CDH22: variants seen among roughly 807,000 people sequenced by gnomAD.
CDH22 encodes the protein cadherin 22, also known as cadherin-22.
Under a neutral mutation model 58.4 loss-of-function variants are expected in CDH22, and 30 were observed. The observed-to-expected ratio is 0.51, with a 90% CI of 0.38 to 0.70. The LOEUF (loss-of-function observed/expected upper bound fraction) is 0.70. Among genes scored for constraint, CDH22 ranks in the 30% least tolerant of loss-of-function variants. The pLI, the probability that CDH22 is intolerant of heterozygous loss-of-function variation, is 0.00. For missense variants in CDH22, 1,014 were observed against 1,233.9 expected, an observed-to-expected ratio of 0.82 and a Z score of 2.67; for synonymous variants, 513 against 558.2, an observed-to-expected ratio of 0.92 and a Z score of 1.14.
chr20:46,185,338 G>T (rs1394924909), intron 10 of CDH22, among the ~76,000 whole-genome samples: 1 of 152,078 alleles, frequency 6.6e-6, no homozygotes. Context: ...AGCCAGAGGG[G>T]AGGAATCTCA....
chr20:46,256,647 G>C (rs1240501627), intron 1 of CDH22, among the ~76,000 whole-genome samples: 1 of 152,150 alleles, frequency 6.6e-6, no homozygotes, highest in African/African-American at 2.4e-5. Context: ...TTCTGTGAGT[G>C]AGATGAGACC....
rs530519238 is a variant in CDH22 at position 46,282,267 on chromosome 20, A to G, written c.-400+25988T>C. On this transcript the variant is annotated intron_variant, in intron 1 of 11. Coordinates refer to ENST00000537909, the MANE Select transcript of CDH22 (RefSeq NM_021248.3). ...GTGCCCAGGATACCCTGAGTTTGGCAGGTTAGATTCCACAGTAGATTTGCC... is the reference window on the plus strand; with the variant it reads ...GTGCCCAGGATACCCTGAGTTTGGCGGGTTAGATTCCACAGTAGATTTGCC... Among the ~76,000 whole-genome samples, 3 of 152,338 alleles carry G rather than the reference A, an allele frequency of 2.0e-5. No individual in the cohort carries two copies. In the South Asian group the frequency reaches 6.2e-4, roughly 32 times the overall value.
At position 46,181,791 on chromosome 20, in the gene CDH22, CTTTT is replaced by C. The variant is rs796279300; in HGVS notation, c.1664-3598_1664-3595del. Among the ~76,000 whole-genome samples, 98 of 126,498 alleles carry C rather than the reference CTTTT, an allele frequency of 7.7e-4. 2 individuals are homozygous for C. The highest frequency in any genetic ancestry group is 1.5e-3 in the South Asian group (6 of 3,906). 83.0% of individuals were successfully genotyped at this position (126,498 alleles called of 152,430 possible). ...TCTTTCTTTCTTTCTTTCTTTCTTT[CTTTT>C]CTCTCTCTTTCTCTTTCCTTTCTTT... On this transcript the variant is annotated intron_variant, in intron 10 of 11. Transcript: ENST00000537909.
intron 1 of CDH22, among the ~76,000 whole-genome samples, chr20:46,283,718 C>G (rs1053697799): frequency 6.6e-6 from 1 of 152,014 alleles, no homozygotes; most frequent in Non-Finnish European, 1.5e-5. Context: ...CTCCCCACCC[C>G]CACCGCCATC....
chr20:46,192,796 C>T (rs1036941314), intron 8 of CDH22, among the ~76,000 whole-genome samples: 13 of 152,042 alleles, frequency 8.6e-5, no homozygotes, highest in South Asian at 2.1e-4. Context: ...ATTACAAGCC[C>T]GCCAAGACAA....
rs575918737 is a variant in CDH22 at position 46,199,355 on chromosome 20, C to T, written c.1423+68G>A. 1,698 of 1,550,208 alleles carry T rather than the reference C, an allele frequency of 1.1e-3. 13 individuals carry two copies. The highest frequency in any genetic ancestry group is 0.011 in the Middle Eastern group (52 of 4,842). ...CCTTGGCCCTGCCCCCAGCCCTTGG[C>T]CCCTCCCTTCAGCTTTTGCTCCTGG... On this transcript the variant is annotated intron_variant, in intron 8 of 11. Coordinates refer to ENST00000537909, the MANE Select transcript of CDH22 (RefSeq NM_021248.3).
chr20:46,212,909 G>T, intron 6 of CDH22, 86 bp downstream of exon 6: 1 of 1,068,868 alleles, frequency 9.4e-7, no homozygotes, highest in Non-Finnish European at 1.4e-6. Context: ...AGTGGAGTGA[G>T]GTGGGGGTAT....
chr20:46,274,351 T>A (rs2086507162), intron 1 of CDH22, among the ~76,000 whole-genome samples: 2 of 152,194 alleles, frequency 1.3e-5, no homozygotes, highest in Non-Finnish European at 2.9e-5. Context: ...GGTGCCAACC[T>A]GGACACCACG....
rs146085756 is a variant in CDH22, at chr20:46,248,338, T to C, written c.255+2702A>G. ...GAGGCTTTTGCAGAGCCCCAGCTGC[T>C]GGGCAGACAGCAAGGCTGAAGTGCC... On this transcript the variant is annotated intron_variant, in intron 2 of 11. Coordinates refer to ENST00000537909, the MANE Select transcript of CDH22 (RefSeq NM_021248.3). Among the ~76,000 whole-genome samples, 1,140 of 152,308 alleles carry C rather than the reference T, an allele frequency of 7.5e-3. 18 individuals are homozygous for C. Among genetic ancestry groups the C allele is most frequent in the Admixed American group, 0.026 (401 of 15,288 alleles).
In CDH22 at chr20:46,257,948, T is replaced by C. The variant is rs543089077; in HGVS notation, c.-399-6255A>G. The stretch of plus-strand genomic sequence containing the variant: ...TGGGAGCCAACAGAAGAAAGTGCTG[T>C]AGGGAGGGAGTGGTGAACTGTGCCG... On this transcript the variant is annotated intron_variant, in intron 1 of 11. Coordinates refer to ENST00000537909, the MANE Select transcript of CDH22 (RefSeq NM_021248.3). Among the ~76,000 whole-genome samples, 23 of 152,118 alleles carry C rather than the reference T, an allele frequency of 1.5e-4. No individual in the cohort carries two copies. The South Asian group carries it at 3.7e-3, about 25-fold the overall frequency.
At chr20:46,191,578 C>T (rs1406511587) in intron 8 of CDH22, among the ~76,000 whole-genome samples, 2 of 152,146 alleles carry the variant, frequency 1.3e-5, no homozygotes, top group African/African-American at 4.8e-5. Flanking sequence ...TGCCCCATTT[C>T]GTCCTGTCAA....
At chr20:46,231,335 G>A (rs373232625) in intron 3 of CDH22, among the ~76,000 whole-genome samples, 11 of 152,320 alleles carry the variant, frequency 7.2e-5, no homozygotes, top group Non-Finnish European at 1.3e-4. Context: ...TTGGCAGCAC[G>A]TTAGAATCTC....
At chr20:46,193,518 C>T (rs953532026) in intron 8 of CDH22, among the ~76,000 whole-genome samples, 7 of 152,122 alleles carry the variant, frequency 4.6e-5, no homozygotes, top group Non-Finnish European at 2.9e-5. Flanking sequence ...CACTGGGGAC[C>T]AAACATCTGA....
At chr20:46,177,421 C>T (rs2085748977) in intron 11 of CDH22, among the ~76,000 whole-genome samples, 1 of 152,144 alleles carries the variant, frequency 6.6e-6, no homozygotes, top group Non-Finnish European at 1.5e-5. Context: ...CCACCAATGA[C>T]TTGAGATTTT....
Position 46,250,584 on chromosome 20 carries a change from C to G in CDH22, c.255+456G>C, listed in dbSNP as rs138204840. Among the ~76,000 whole-genome samples, 63 of 152,210 alleles carry G rather than the reference C, an allele frequency of 4.1e-4. No homozygotes were observed. The East Asian group carries it at 0.012, about 28-fold the overall frequency. ...GGGACGTTGACTTTCAGAAGAGCAA[C>G]GGAAGGGCAGTGAGGCTGAAACTCA... is the stretch of plus-strand genomic sequence containing the variant. On this transcript the variant is annotated intron_variant, in intron 2 of 11. Transcript: ENST00000537909.
chr20:46,223,713 CTTTT>C (rs11469863), intron 4 of CDH22, among the ~76,000 whole-genome samples: 1,209 of 54,488 alleles, frequency 0.022, 9 homozygotes, highest in African/African-American at 0.041. Flanking sequence ...TTCTTTCTTT[CTTTT>C]TCTTTCTTTC....
At position 46,243,930 on chromosome 20, in the gene CDH22, T is replaced by A. The variant is rs1440825617; in HGVS notation, c.256-2673A>T. Among the ~76,000 whole-genome samples the A allele has an allele frequency of 2.6e-5, 4 of 152,206 alleles. No individual in the cohort carries two copies. The East Asian group carries it at 7.7e-4, about 29-fold the overall frequency. The stretch of plus-strand genomic sequence containing the variant: ...GAAGTCATGTGCTGTGTCACATGGC[T>A]AAGTGTGGAAAGCACGCTTCTGACT... On this transcript the variant is annotated intron_variant, in intron 2 of 11. Coordinates refer to ENST00000537909, the MANE Select transcript of CDH22 (RefSeq NM_021248.3).
chr20:46,187,555 A>G (rs937127709), intron 8 of CDH22, among the ~76,000 whole-genome samples: 2 of 151,660 alleles, frequency 1.3e-5, no homozygotes, highest in Non-Finnish European at 2.9e-5. Context: ...TACTAAAGCC[A>G]TCACCATCAC....
intron 1 of CDH22, among the ~76,000 whole-genome samples, chr20:46,256,348 A>C (rs1699669559): frequency 6.6e-6 from 1 of 152,186 alleles, no homozygotes; most frequent in African/African-American, 2.4e-5. Context: ...GTTATTACAA[A>C]TACTCATTTA....
Sources: gnomAD v4.1 joint callset for allele counts (sites outside exome capture counted in the v4.1 genomes callset) on GRCh38, gnomAD v4.1.1 for gene constraint, MANE v1.5 for transcripts, NCBI Gene and HGNC (gene_info 2026-07-23, HGNC 2026-07-21) for gene names.